CYP7B1: variants seen among roughly 807,000 people sequenced by gnomAD.
CYP7B1 encodes the protein cytochrome P450 7B1.
In CYP7B1, 29 loss-of-function variants were observed where a neutral mutation model predicts 42.7. The observed-to-expected ratio is 0.68, with a 90% confidence interval of 0.51 to 0.93. The LOEUF (loss-of-function observed/expected upper bound fraction) is 0.93. Ranked by LOEUF, CYP7B1 falls within the 40% of genes least tolerant of loss-of-function variation. The pLI is 0.00. For missense variants in CYP7B1, 655 were observed against 600.5 expected (o/e 1.09, Z -0.95); for synonymous variants, 235 against 218.2 (o/e 1.08, Z -0.68).
chr8:64,789,228 A>G (rs1278026228), intron 1 of CYP7B1, among the ~76,000 whole-genome samples: 1 of 152,180 alleles, frequency 6.6e-6, no homozygotes, highest in Non-Finnish European at 1.5e-5. Context: ...GTGCCTGGCC[A>G]TACACTCAGT....
chr8:64,667,187 G>A (rs1310483367), intron 1 of CYP7B1, among the ~76,000 whole-genome samples: 1 of 152,198 alleles, frequency 6.6e-6, no homozygotes. Flanking sequence ...ACCCCACCCT[G>A]TCGAAATTAT....
chr8:64,587,558 T>A (rs1351696473), downstream of CYP7B1, among the ~76,000 whole-genome samples: 1 of 152,222 alleles, frequency 6.6e-6, no homozygotes, highest in Non-Finnish European at 1.5e-5. Context: ...GCCCCGGTTT[T>A]AAACCCCAAA....
intron 1 of CYP7B1, among the ~76,000 whole-genome samples, chr8:64,747,175 A>C (rs1261421777): frequency 3.4e-5 from 5 of 148,332 alleles, no homozygotes; most frequent in Non-Finnish European, 7.4e-5. Context: ...ATATTACATA[A>C]GCATTATATT....
chr8:64,626,719 TA>T (rs1433592145), intron 1 of CYP7B1, among the ~76,000 whole-genome samples: 5 of 152,100 alleles, frequency 3.3e-5, no homozygotes, highest in African/African-American at 7.2e-5. Context: ...GTAAAAAAGG[TA>T]AAAAGAAACA....
At chr8:64,639,308 A>G (rs1805819840) in intron 1 of CYP7B1, among the ~76,000 whole-genome samples, 1 of 152,252 alleles carries the variant, frequency 6.6e-6, no homozygotes, top group Admixed American at 6.5e-5. Flanking sequence ...ACTTCAAAGC[A>G]TTGGTATGAA....
intron 1 of CYP7B1, among the ~76,000 whole-genome samples, chr8:64,690,280 G>A (rs1806719140): frequency 6.6e-6 from 1 of 152,202 alleles, no homozygotes; most frequent in Non-Finnish European, 1.5e-5. Flanking sequence ...ATGCATGCCT[G>A]TGGTTCTAGC....
rs57590025 is a variant in CYP7B1, at chr8:64,593,232, G to GGTGTGTGTGT, written c.*3400_*3409dup. Among the ~76,000 whole-genome samples the GGTGTGTGTGT allele has an allele frequency of 4.5e-4, 55 of 123,444 alleles. No homozygotes were observed. Among genetic ancestry groups the GGTGTGTGTGT allele is most frequent in the African/African-American group, 8.8e-4 (31 of 35,152 alleles). The allele number at this position is 123,444 out of a possible 152,430, so 81.0% of individuals were successfully genotyped here. A position where few individuals can be genotyped will look rare whatever the true frequency, so the allele number is the denominator to read the frequency against. On this transcript the variant is annotated 3_prime_UTR_variant, in exon 6 of 6. Coordinates refer to ENST00000310193, the MANE Select transcript of CYP7B1 (RefSeq NM_004820.5). ...TGGTGGACTAAAGGCTAGGGCCCAG[G>GGTGTGTGTGT]GTGTGTGTGTGTGTGTGTGTGTGTG...
chr8:64,614,123 C>T (rs1805399793), intron 4 of CYP7B1, among the ~76,000 whole-genome samples: 1 of 152,126 alleles, frequency 6.6e-6, no homozygotes, highest in South Asian at 2.1e-4. Context: ...TAGAGAATAA[C>T]TCATTGGTAT....
At chr8:64,706,452 C>T (rs930003054) in intron 1 of CYP7B1, among the ~76,000 whole-genome samples, 23 of 152,006 alleles carry the variant, frequency 1.5e-4, no homozygotes, top group Non-Finnish European at 1.5e-5. Flanking sequence ...CATCTCTCTT[C>T]ATTAATCAGG....
chr8:64,597,041 T>C (rs1805130510), intron 5 of CYP7B1, 112 bp from the exon 6 acceptor site: 14 of 925,718 alleles, frequency 1.5e-5, no homozygotes, highest in African/African-American at 3.4e-5. Context: ...TTTAATCAGG[T>C]GAACACCAGA....
In CYP7B1 at chr8:64,615,568, T is replaced by G. The variant is rs911902488; in HGVS notation, c.850+123A>C. 8 of 973,144 alleles carry G rather than the reference T, an allele frequency of 8.2e-6. No individual in the cohort carries two copies. The African/African-American group carries it at 9.9e-5, about 12-fold the overall frequency. The allele number at this position is 973,144 out of a possible 1,614,324, so 60.3% of individuals were successfully genotyped here. ...TAGAGGGTTATATCAGAGTAAAACA[T>G]TTTATCATTAGCCAATTAGAAAGAG... On this transcript the variant is annotated intron_variant, in intron 3 of 5. Transcript: ENST00000310193.
In CYP7B1 at chr8:64,713,583, T is replaced by C. The variant is rs191015922; in HGVS notation, c.122+84883A>G. 3.3e-5 allele frequency among the ~76,000 whole-genome samples: 5 copies of C among 152,166 alleles called. No individual in the cohort carries two copies. The South Asian group carries it at 6.2e-4, about 19-fold the overall frequency. On this transcript the variant is annotated intron_variant, in intron 1 of 5. Transcript: ENST00000310193. ...ATGAAATGTCTGTAACAAAAAATTA[T>C]GTAAAATTGACAGCAGATTAGATTA...
chr8:64,748,055 GAGA>G (rs1334005221), intron 1 of CYP7B1, among the ~76,000 whole-genome samples: 2 of 152,250 alleles, frequency 1.3e-5, no homozygotes, highest in Admixed American at 1.3e-4. Context: ...TGGGGACAAC[GAGA>G]AGATTTTTGA....
chr8:64,690,785 C>G (rs979218584), intron 1 of CYP7B1, among the ~76,000 whole-genome samples: 2 of 152,186 alleles, frequency 1.3e-5, no homozygotes, highest in Non-Finnish European at 2.9e-5. Flanking sequence ...AACTACTTCT[C>G]CTGTTCACTC....
Position 64,760,079 on chromosome 8 carries a change from C to T in CYP7B1, c.122+38387G>A, listed in dbSNP as rs558954538. The stretch of plus-strand genomic sequence containing the variant: ...TCACAGGCCAATAGAATAAAAACCC[C>T]AGAAGTAAACTCATGCATATATGAT... On this transcript the variant is annotated intron_variant, in intron 1 of 5. Transcript: ENST00000310193. 1.3e-4 allele frequency among the ~76,000 whole-genome samples: 20 copies of T among 152,116 alleles called. No individual in the cohort carries two copies. In the East Asian group the frequency reaches 3.5e-3, roughly 26 times the overall value.
intron 1 of CYP7B1, among the ~76,000 whole-genome samples, chr8:64,672,993 ATAGAG>A (rs1806388952): frequency 6.6e-6 from 1 of 152,128 alleles, no homozygotes; most frequent in Non-Finnish European, 1.5e-5. Flanking sequence ...TCAAGTATGA[ATAGAG>A]TAGTCATGTT....
chr8:64,737,126 T>C (rs966677883), intron 1 of CYP7B1, among the ~76,000 whole-genome samples: 1 of 152,158 alleles, frequency 6.6e-6, no homozygotes, highest in Admixed American at 6.5e-5. Context: ...TGTGATATTG[T>C]CTCACTTTGT....
At chr8:64,744,814 G>A (rs1182179711) in intron 1 of CYP7B1, among the ~76,000 whole-genome samples, 1 of 152,088 alleles carries the variant, frequency 6.6e-6, no homozygotes, top group Non-Finnish European at 1.5e-5. Flanking sequence ...GACCTCAGAG[G>A]ACTTTCAAAA....
At chr8:64,753,431 G>A (rs35196908) in intron 1 of CYP7B1, among the ~76,000 whole-genome samples, 2 of 152,036 alleles carry the variant, frequency 1.3e-5, no homozygotes, top group Non-Finnish European at 2.9e-5. Flanking sequence ...ATATGTAGAC[G>A]TTCTTCGAAG....
Sources: gnomAD v4.1 joint callset for allele counts (sites outside exome capture counted in the v4.1 genomes callset) on GRCh38, gnomAD v4.1.1 for gene constraint, MANE v1.5 for transcripts, NCBI Gene and HGNC (gene_info 2026-07-23, HGNC 2026-07-21) for gene names.